Variants in ATAD5 observed in about 807,000 individuals in gnomAD.
The protein encoded by ATAD5 is ATPase family AAA domain-containing protein 5.
Under a neutral mutation model 176.9 loss-of-function variants are expected in ATAD5, and 58 were observed. The observed-to-expected ratio is 0.33, with a 90% CI of 0.27 to 0.41. The LOEUF (loss-of-function observed/expected upper bound fraction) is 0.41, where lower values mean the gene tolerates loss of function less well. Ranked by LOEUF, ATAD5 falls within the 10% of genes least tolerant of loss-of-function variation. The probability of loss-of-function intolerance (pLI) is 1.00; values close to 1 mark genes in which losing one functional copy is unlikely to be tolerated. For missense variants in ATAD5, 1,789 were observed against 2,094.1 expected (o/e 0.85, Z 2.84); for synonymous variants, 640 against 712.6 (o/e 0.90, Z 1.62).
At position 30,883,784 on chromosome 17, in the gene ATAD5, C is replaced by T. The variant is rs533161382; in HGVS notation, c.4078-3408C>T. Among the ~76,000 whole-genome samples, 566 of 152,108 alleles carry T rather than the reference C, an allele frequency of 3.7e-3. 4 individuals are homozygous for T. The highest frequency in any genetic ancestry group is 0.012 in the South Asian group (58 of 4,822). ...CAGAATGGTTTCGATCTCCTGACCT[C>T]GTGATCCGCCCGTCTCGGCCTCCCA... On this transcript the variant is annotated intron_variant, in intron 18 of 22. Coordinates refer to ENST00000321990, the MANE Select transcript of ATAD5 (RefSeq NM_024857.5).
chr17:30,879,602 G>A (rs9904318), intron 18 of ATAD5, 115 bp downstream of exon 18: 99,007 of 949,174 alleles, frequency 0.1, 6,290 homozygotes, highest in South Asian at 0.23. Flanking sequence ...TTGCTCTGTC[G>A]CCCAGGCTGG....
intron 18 of ATAD5, 86 bp downstream of exon 18, chr17:30,879,573 T>A: frequency 7.7e-7 from 1 of 1,307,172 alleles, no homozygotes; most frequent in East Asian, 2.7e-5. Flanking sequence ...TAATTTTTTT[T>A]TTTTTTTGAG....
intron 6 of ATAD5, among the ~76,000 whole-genome samples, chr17:30,851,141 G>A (rs1394577524): frequency 1.4e-5 from 2 of 145,002 alleles, no homozygotes; most frequent in Admixed American, 6.9e-5. Context: ...CACCTGCCTC[G>A]GCCTCCCAAA....
In ATAD5 at chr17:30,835,194, T is replaced by G. The variant is rs78909753; in HGVS notation, c.1113T>G (p.Val371=). The change falls in exon 2 of 23, where the codon GTT becomes GTG. Residue 371 remains valine, a synonymous_variant. Transcript: ENST00000321990. ...EQTVQKRKSN[V]VIQEEELELA... ...CAGTTCAGAAAAGAAAATCTAATGT[T>G]GTTATACAGGAGGAAGAATTAGAAT... The G allele has an allele frequency of 0.032, 52,049 of 1,613,966 alleles. 1,000 individuals carry two copies. The highest frequency in any genetic ancestry group is 0.038 in the Non-Finnish European group (44,925 of 1,179,934).
intron 18 of ATAD5, among the ~76,000 whole-genome samples, chr17:30,886,002 C>A (rs1397649689): frequency 6.6e-6 from 1 of 151,908 alleles, no homozygotes. Context: ...TCATATTTTT[C>A]TACTTTTATC....
chr17:30,869,763 C>A, intron 14 of ATAD5, 117 bp downstream of exon 14: 1 of 1,036,832 alleles, frequency 9.6e-7, no homozygotes, highest in East Asian at 2.7e-5. Flanking sequence ...TACACGTTTC[C>A]TGCCCACCCC....
chr17:30,893,106 TAATC>T (rs1294860319), intron 20 of ATAD5, among the ~76,000 whole-genome samples, 184 bp from the exon 21 acceptor site: 1 of 152,154 alleles, frequency 6.6e-6, no homozygotes, highest in Non-Finnish European at 1.5e-5. Flanking sequence ...TTCTCCAAAT[TAATC>T]GTCTAAATTT....
At chr17:30,840,474 A>C (rs1442542715) in intron 3 of ATAD5, 143 bp from the exon 4 acceptor site, 1 of 555,706 alleles carries the variant, frequency 1.8e-6, no homozygotes, top group Non-Finnish European at 2.9e-6. Context: ...AACTAGACAC[A>C]TTTCAATTTA....
chr17:30,883,579 T>C (rs948007490), intron 18 of ATAD5, among the ~76,000 whole-genome samples: 2 of 152,056 alleles, frequency 1.3e-5, no homozygotes, highest in Non-Finnish European at 1.5e-5. Flanking sequence ...GGAGTCTCGC[T>C]CTGTTGCCCA....
Position 30,878,025 on chromosome 17 carries a change from A to G in ATAD5, c.3941A>G (p.Asp1314Gly). 1 of 1,611,114 alleles carries G rather than the reference A, an allele frequency of 6.2e-7. No homozygotes were observed. ...FEEVDVIFDE[D>G]AGFLNAIKTF... Reference sequence around the variant, plus strand: ...TAGGTTGATGTAATTTTTGATGAAGATGCTGGGTTTTTGAATGCAATCAAA... The same window carrying G: ...TAGGTTGATGTAATTTTTGATGAAGGTGCTGGGTTTTTGAATGCAATCAAA... Residue 1314 changes from aspartate (D) to glycine (G), a missense_variant, in exon 17 of 23, where the codon GAT becomes GGT. By Grantham distance (94) the Asp-to-Gly change is moderately conservative. Transcript: ENST00000321990.
At chr17:30,868,776 A>T (rs1908158091) in intron 12 of ATAD5, among the ~76,000 whole-genome samples, 3 of 150,930 alleles carry the variant, frequency 2.0e-5, no homozygotes, top group African/African-American at 7.3e-5. Flanking sequence ...AAGTGCTGGG[A>T]TTAAGCAGTG....
In ATAD5 at chr17:30,835,641, A is replaced by C; in HGVS notation, c.1560A>C (p.Leu520Phe). 1 of 1,605,738 alleles carries C rather than the reference A, an allele frequency of 6.2e-7. No homozygotes were observed. Among genetic ancestry groups the C allele is most frequent in the Non-Finnish European group, 8.5e-7 (1 of 1,177,558 alleles). The change falls in exon 2 of 23, where the codon TTA (leucine) becomes TTC (phenylalanine). Residue 520 changes from leucine to phenylalanine, a missense_variant. Physicochemically the swap from Leu to Phe is conservative, Grantham distance 22. Around this residue, in one of 6 missense-constraint regions of ATAD5, gnomAD observed 696 missense variants for 712.5 expected, o/e 0.98. Coordinates refer to ENST00000321990, the MANE Select transcript of ATAD5 (RefSeq NM_024857.5). Reference sequence around the variant, plus strand: ...AACAATATCAAAATAGAATGAGTTTAAGACAAAGGAAAACAGAGTTTTTCA... The same window carrying C: ...AACAATATCAAAATAGAATGAGTTTCAGACAAAGGAAAACAGAGTTTTTCA... ...KEKQYQNRMSLRQRKTEFFKS... is the reference protein window; with the variant it reads ...KEKQYQNRMSFRQRKTEFFKS...
chr17:30,856,597 G>A (rs1364380749), intron 7 of ATAD5, among the ~76,000 whole-genome samples: 3 of 152,004 alleles, frequency 2.0e-5, no homozygotes, highest in African/African-American at 7.2e-5. Context: ...TGCTGGTCTC[G>A]AACTCCTGAC....
chr17:30,854,677 A>G (rs1907187627), intron 6 of ATAD5, among the ~76,000 whole-genome samples: 1 of 151,962 alleles, frequency 6.6e-6, no homozygotes, highest in Non-Finnish European at 1.5e-5. Flanking sequence ...CTGCCAATTT[A>G]TTTAATTTTT....
At chr17:30,866,321 C>A (rs1230751120) in intron 11 of ATAD5, among the ~76,000 whole-genome samples, 1 of 149,274 alleles carries the variant, frequency 6.7e-6, no homozygotes, top group Non-Finnish European at 1.5e-5. Context: ...CCTCAGCCTC[C>A]TGAGTAGCTG....
Position 30,840,652 on chromosome 17 carries a change from A to G in ATAD5, c.2112A>G (p.Lys704=). 4 of 1,579,530 alleles carry G rather than the reference A, an allele frequency of 2.5e-6. No individual in the cohort carries two copies. The highest frequency in any genetic ancestry group is 3.4e-6 in the Non-Finnish European group (4 of 1,164,796). Residue 704 remains lysine (K), a synonymous_variant, in exon 4 of 23, where the codon AAA becomes AAG. Coordinates refer to ENST00000321990, the MANE Select transcript of ATAD5 (RefSeq NM_024857.5). ...SNTSKNISKA[K]QLIEKAKALH... ...CTTCAAAAAACATATCAAAAGCAAA[A>G]CAATTGATTGAAAAAGCAAAAGCTT...
At chr17:30,872,618 C>T (rs889080505) in intron 14 of ATAD5, among the ~76,000 whole-genome samples, 1 of 148,876 alleles carries the variant, frequency 6.7e-6, no homozygotes, top group Non-Finnish European at 1.5e-5. Context: ...TGCAGTGGTG[C>T]GATCTTGGTG....
rs759911776 is a variant in ATAD5, at chr17:30,835,958, C to A, written c.1877C>A (p.Ser626Tyr). The A allele has an allele frequency of 1.9e-6, 3 of 1,614,070 alleles. No homozygotes were observed. In the South Asian group the frequency reaches 3.3e-5, roughly 18 times the overall value. ...CAAGATAATAGTCAACTAAAGGCTT[C>A]CACTCAAAAAGCAGCCAACTTATCG... ...DVQDNSQLKA[S>Y]TQKAANLSEK... Residue 626 changes from serine to tyrosine, a missense_variant, in exon 2 of 23, where the codon TCC (serine) becomes TAC (tyrosine). Physicochemically the swap from Ser to Tyr is moderately radical, Grantham distance 144 (BLOSUM62 -2). Around this residue, in one of 6 missense-constraint regions of ATAD5, gnomAD observed 696 missense variants for 712.5 expected, o/e 0.98. Transcript: ENST00000321990.
intron 2 of ATAD5, among the ~76,000 whole-genome samples, chr17:30,836,340 A>C (rs552551520): frequency 5.2e-4 from 79 of 151,682 alleles, no homozygotes; most frequent in African/African-American, 1.6e-3. Flanking sequence ...CACCACGCCC[A>C]GCTAATTTTT....
Sources: gnomAD v4.1 joint callset for allele counts (sites outside exome capture counted in the v4.1 genomes callset) on GRCh38, gnomAD v4.1.1 for gene constraint, gnomAD v4.1.1 regional missense constraint, MANE v1.5 for transcripts, NCBI Gene and HGNC (gene_info 2026-07-23, HGNC 2026-07-21) for gene names.